WDR7: variants seen among roughly 807,000 people sequenced by gnomAD.
WDR7 encodes WD repeat-containing protein 7.
A neutral mutation model predicts 169.4 loss-of-function variants in WDR7; 46 were observed. That is an observed-to-expected ratio of 0.27 (90% CI 0.21 to 0.35). WDR7 has a LOEUF of 0.35. Ranked by LOEUF, WDR7 falls within the 10% of genes least tolerant of loss-of-function variation. The probability of loss-of-function intolerance (pLI) is 1.00; values close to 1 mark genes in which losing one functional copy is unlikely to be tolerated. For missense variants in WDR7, 1,534 were observed against 1,859.3 expected (o/e 0.83, Z 3.22); for synonymous variants, 612 against 666.8 (o/e 0.92, Z 1.27).
At chr18:56,974,276 A>G (rs1304524130) in intron 26 of WDR7, among the ~76,000 whole-genome samples, 1 of 152,060 alleles carries the variant, frequency 6.6e-6, no homozygotes, top group African/African-American at 2.4e-5. Context: ...TGCCAAGCAC[A>G]ACTAGCATTA....
chr18:56,706,472 A>G (rs1415775636), intron 12 of WDR7, among the ~76,000 whole-genome samples: 1 of 152,100 alleles, frequency 6.6e-6, no homozygotes, highest in Non-Finnish European at 1.5e-5. Context: ...GTTACTTAAC[A>G]TCTCTAGGCC....
In WDR7 at chr18:56,937,334, C is replaced by T. The variant is rs964165856; in HGVS notation, c.3832-1199C>T. Among the ~76,000 whole-genome samples, 3 of 151,720 alleles carry T rather than the reference C, an allele frequency of 2.0e-5. No homozygotes were observed. In the East Asian group the frequency reaches 5.8e-4, roughly 29 times the overall value. On this transcript the variant is annotated intron_variant, in intron 23 of 27. Coordinates refer to ENST00000254442, the MANE Select transcript of WDR7 (RefSeq NM_015285.3). ...TTAAGCCTAGGAGTTTGAGTCTAGC[C>T]TGGGCAACATAGTGAAGTGAAACCC...
At chr18:56,656,576 G>A (rs1173289858) in intron 1 of WDR7, among the ~76,000 whole-genome samples, 6 of 89,424 alleles carry the variant, frequency 6.7e-5, no homozygotes, top group South Asian at 1.1e-3. Context: ...CACTGCGCCC[G>A]GCCACTATTT....
At chr18:56,993,961 G>GTCA (rs2047856513) in intron 26 of WDR7, among the ~76,000 whole-genome samples, 1 of 150,906 alleles carries the variant, frequency 6.6e-6, no homozygotes, top group Admixed American at 6.6e-5. Flanking sequence ...TGGAACAAGT[G>GTCA]TCATCGCTCA....
intron 20 of WDR7, among the ~76,000 whole-genome samples, chr18:56,861,674 C>A (rs1442132984): frequency 6.6e-6 from 1 of 151,974 alleles, no homozygotes; most frequent in Admixed American, 6.6e-5. Flanking sequence ...TTGTTGGTAG[C>A]ATATTTCAAG....
chr18:56,961,151 T>C (rs2047333844), intron 25 of WDR7, among the ~76,000 whole-genome samples: 1 of 152,126 alleles, frequency 6.6e-6, no homozygotes, highest in Non-Finnish European at 1.5e-5. Context: ...TATATGAATG[T>C]CATAGTGTCT....
At chr18:56,657,071 C>T (rs187855549) in intron 1 of WDR7, among the ~76,000 whole-genome samples, 23 of 151,780 alleles carry the variant, frequency 1.5e-4, no homozygotes, top group African/African-American at 5.1e-4. Context: ...AATTTTAGTG[C>T]GTGTAGAGTG....
intron 20 of WDR7, among the ~76,000 whole-genome samples, chr18:56,859,345 A>G (rs988960916): frequency 5.3e-5 from 8 of 152,290 alleles, no homozygotes; most frequent in Non-Finnish European, 7.4e-5. Flanking sequence ...AGGTAAAAGC[A>G]TTGGCTTTAG....
chr18:56,664,840 ATAGTAG>A (rs2024982925), intron 1 of WDR7, among the ~76,000 whole-genome samples: 1 of 152,206 alleles, frequency 6.6e-6, no homozygotes, highest in Admixed American at 6.5e-5. Context: ...TGTAGTGAAA[ATAGTAG>A]TAGGAGTAGT....
chr18:56,840,394 GGAA>G (rs2045464737), intron 20 of WDR7, among the ~76,000 whole-genome samples: 1 of 151,988 alleles, frequency 6.6e-6, no homozygotes, highest in Non-Finnish European at 1.5e-5. Context: ...ATCCAAAAAA[GGAA>G]GATAAATATT....
Position 57,020,547 on chromosome 18 carries a change from T to C in WDR7, c.4165-198T>C, listed in dbSNP as rs547483215. On this transcript the variant is annotated intron_variant, in intron 26 of 27. Coordinates refer to ENST00000254442, the MANE Select transcript of WDR7 (RefSeq NM_015285.3). ...GGCAGGTGGACACCTCAGAACAAGATTGAAGCCCTTGGAGAGTTCCCTCAA... is the reference window on the plus strand; with the variant it reads ...GGCAGGTGGACACCTCAGAACAAGACTGAAGCCCTTGGAGAGTTCCCTCAA... 3.9e-5 allele frequency among the ~76,000 whole-genome samples: 6 copies of C among 152,322 alleles called. No individual in the cohort carries two copies. In the South Asian group the frequency reaches 6.2e-4, roughly 16 times the overall value.
intron 16 of WDR7, among the ~76,000 whole-genome samples, chr18:56,769,521 A>G (rs774477528): frequency 1.3e-5 from 2 of 151,906 alleles, no homozygotes; most frequent in Non-Finnish European, 2.9e-5. Context: ...AATGTACTGT[A>G]TTTCTCTCTA....
chr18:56,708,151 A>G (rs139558213), intron 12 of WDR7, among the ~76,000 whole-genome samples: 1 of 150,452 alleles, frequency 6.6e-6, no homozygotes, highest in East Asian at 2.0e-4. Context: ...CTTGTGCCTC[A>G]GCCTCCTGAG....
chr18:56,921,991 T>G (rs2046729869), intron 21 of WDR7, among the ~76,000 whole-genome samples: 1 of 152,168 alleles, frequency 6.6e-6, no homozygotes, highest in South Asian at 2.1e-4. Context: ...TAGGAAACTT[T>G]ACCTCCTTTT....
chr18:56,781,576 G>A lies in WDR7; in HGVS notation c.3110G>A (p.Arg1037Lys). ...GCCCTGCTTCTGGCGGAACTGAGAAGAATTGAGCAGGCAGGCAGGAAGGAA... is the reference window on the plus strand; with the variant it reads ...GCCCTGCTTCTGGCGGAACTGAGAAAAATTGAGCAGGCAGGCAGGAAGGAA... ...AQALLLAELR[R>K]IEQAGRKEAI... Residue 1037 changes from arginine to lysine, a missense_variant, in exon 19 of 28, where the codon AGA becomes AAA. By Grantham distance (26) the Arg-to-Lys change is conservative. Transcript: ENST00000254442. 6.2e-7 allele frequency: 1 copy of A among 1,612,528 alleles called. No individual in the cohort carries two copies. Among genetic ancestry groups the A allele is most frequent in the East Asian group, 2.2e-5 (1 of 44,734 alleles).
At chr18:56,953,937 G>A (rs992048987) in intron 25 of WDR7, among the ~76,000 whole-genome samples, 17 of 152,214 alleles carry the variant, frequency 1.1e-4, no homozygotes, top group African/African-American at 3.1e-4. Context: ...ATTACAGTGT[G>A]TATTCTTTTA....
At chr18:56,692,228 C>T (rs2025587137) in intron 9 of WDR7, among the ~76,000 whole-genome samples, 1 of 151,960 alleles carries the variant, frequency 6.6e-6, no homozygotes, top group African/African-American at 2.4e-5. Flanking sequence ...ATTGCAATAC[C>T]TCCACAAAAT....
chr18:56,721,200 T>G (rs1053765826), intron 13 of WDR7, among the ~76,000 whole-genome samples: 19 of 152,204 alleles, frequency 1.2e-4, no homozygotes, highest in Non-Finnish European at 2.5e-4. Flanking sequence ...TTAACCCTGT[T>G]TTGCATATTG....
chr18:56,700,204 A>G (rs1156507559), intron 12 of WDR7, among the ~76,000 whole-genome samples: 1 of 150,462 alleles, frequency 6.6e-6, no homozygotes, highest in Non-Finnish European at 1.5e-5. Context: ...TTTGTGTTAA[A>G]GGATTTTGGT....
Sources: gnomAD v4.1 joint callset for allele counts (sites outside exome capture counted in the v4.1 genomes callset) on GRCh38, gnomAD v4.1.1 for gene constraint, MANE v1.5 for transcripts, NCBI Gene and HGNC (gene_info 2026-07-23, HGNC 2026-07-21) for gene names.